Variants in GREM2 observed in about 807,000 individuals in gnomAD.
GREM2 encodes gremlin 2, DAN family BMP antagonist.
GREM2 carries 11 observed loss-of-function variants against 14.2 expected under a neutral mutation model. The ratio of observed to expected loss-of-function variants is 0.78; its 90% CI spans 0.49 to 1.28. The LOEUF is 1.28. Among genes scored for constraint, GREM2 ranks in the 50% most tolerant of loss-of-function variants. GREM2 has a pLI of 0.00. For missense variants in GREM2, 210 were observed against 218.5 expected (o/e 0.96, Z 0.24); for synonymous variants, 98 against 97.6 (o/e 1.00, Z -0.02).
At chr1:240,562,941 T>C (rs1679085873) in intron 1 of GREM2, among the ~76,000 whole-genome samples, 1 of 143,460 alleles carries the variant, frequency 7.0e-6, no homozygotes, top group African/African-American at 2.9e-5. Context: ...TGTGTGAGTG[T>C]GTGAGTGTGT....
intron 1 of GREM2, among the ~76,000 whole-genome samples, chr1:240,506,705 A>G (rs543180320): frequency 6.6e-6 from 1 of 152,372 alleles, no homozygotes; most frequent in African/African-American, 2.4e-5. Flanking sequence ...TAATTTATTC[A>G]TTCATTCATT....
At chr1:240,537,864 A>T (rs940057825) in intron 1 of GREM2, among the ~76,000 whole-genome samples, 10 of 152,300 alleles carry the variant, frequency 6.6e-5, no homozygotes, top group Admixed American at 6.5e-4. Context: ...ATACAAATAT[A>T]ATATATTAAT....
intron 1 of GREM2, among the ~76,000 whole-genome samples, chr1:240,580,876 A>G (rs1444429254): frequency 2.0e-5 from 3 of 152,184 alleles, no homozygotes; most frequent in Non-Finnish European, 4.4e-5. Flanking sequence ...CCCAGCCTAG[A>G]TATCCAATAT....
intron 1 of GREM2, among the ~76,000 whole-genome samples, chr1:240,523,645 T>A (rs1678155312): frequency 6.6e-6 from 1 of 152,290 alleles, no homozygotes; most frequent in Non-Finnish European, 1.5e-5. Context: ...ATCCTTTAGT[T>A]TTTTTGTTTT....
chr1:240,508,237 A>G (rs559280959), intron 1 of GREM2, among the ~76,000 whole-genome samples: 1 of 152,362 alleles, frequency 6.6e-6, no homozygotes, highest in South Asian at 2.1e-4. Context: ...GATGACCAAT[A>G]CATATTTATT....
rs1677309600 is a variant in GREM2 at position 240,493,274 on chromosome 1, G to C, written c.202C>G (p.Leu68Val). Residue 68 changes from leucine to valine, a missense_variant, in exon 2 of 2, where the codon CTC (leucine) becomes GTC (valine). Coordinates refer to ENST00000318160, the MANE Select transcript of GREM2 (RefSeq NM_022469.4). Reference protein sequence around the residue: ...EALVVTERKYLKSDWCKTQPL... With the variant: ...EALVVTERKYVKSDWCKTQPL... ...TGCGTCTTGCACCAGTCACTCTTGA[G>C]GTACTTGCGCTCGGTGACCACCAGG... 3.7e-6 allele frequency: 6 copies of C among 1,614,046 alleles called. No homozygotes were observed. Among genetic ancestry groups the C allele is most frequent in the African/African-American group, 1.3e-5 (1 of 75,062 alleles).
At chr1:240,596,315 T>C (rs966939485) in intron 1 of GREM2, among the ~76,000 whole-genome samples, 72 of 152,204 alleles carry the variant, frequency 4.7e-4, no homozygotes, top group Admixed American at 1.4e-3. Flanking sequence ...GTTAAGGAAA[T>C]GCGAAACTAT....
chr1:240,608,831 AG>A (rs1190674310), intron 1 of GREM2, among the ~76,000 whole-genome samples: 1 of 152,034 alleles, frequency 6.6e-6, no homozygotes, highest in Non-Finnish European at 1.5e-5. Context: ...GGGCACTTCA[AG>A]TTGGAGGGAG....
chr1:240,588,545 A>G (rs1679645549), intron 1 of GREM2: 1 of 152,200 alleles, frequency 6.6e-6, no homozygotes, highest in Non-Finnish European at 1.5e-5. Flanking sequence ...AAAGCAGGCC[A>G]GCTAAGGTCA....
At chr1:240,600,169 T>G (rs770268165) in intron 1 of GREM2, among the ~76,000 whole-genome samples, 1 of 152,148 alleles carries the variant, frequency 6.6e-6, no homozygotes, top group Non-Finnish European at 1.5e-5. Flanking sequence ...ACAAGGTAGT[T>G]TGCAGTCTTA....
chr1:240,510,168 G>C (rs1677778130), intron 1 of GREM2, among the ~76,000 whole-genome samples: 3 of 151,988 alleles, frequency 2.0e-5, no homozygotes, highest in Admixed American at 6.6e-5. Flanking sequence ...AGGAGATTGG[G>C]ACCATCCTGG....
rs556864090 is a variant in GREM2, at chr1:240,491,216, G to A, written c.*1753C>T. 11 of 152,388 alleles carry A rather than the reference G, an allele frequency of 7.2e-5. No individual in the cohort carries two copies. Among genetic ancestry groups the A allele is most frequent in the African/African-American group, 2.6e-4 (11 of 41,510 alleles). 9.4% of individuals were successfully genotyped at this position (152,388 alleles called of 1,614,324 possible). ...CCCAATCCTTGCTCTTCAAGTGAAT[G>A]TCTCTAGATCCACCATCACTACCTA... On this transcript the variant is annotated 3_prime_UTR_variant, in exon 2 of 2. Coordinates refer to ENST00000318160, the MANE Select transcript of GREM2 (RefSeq NM_022469.4).
At chr1:240,538,988 C>T (rs1256479463) in intron 1 of GREM2, among the ~76,000 whole-genome samples, 2 of 152,030 alleles carry the variant, frequency 1.3e-5, no homozygotes, top group Non-Finnish European at 2.9e-5. Context: ...AGTACTGATG[C>T]CAAGTACATG....
chr1:240,541,962 C>G (rs549756519), intron 1 of GREM2, among the ~76,000 whole-genome samples: 19 of 152,276 alleles, frequency 1.2e-4, no homozygotes, highest in Non-Finnish European at 1.3e-4. Flanking sequence ...CTACTCTGTA[C>G]TCCATTTCTG....
Position 240,526,683 on chromosome 1 carries a change from A to G in GREM2, c.-1-33207T>C, listed in dbSNP as rs566951934. 3.3e-5 allele frequency among the ~76,000 whole-genome samples: 5 copies of G among 152,322 alleles called. No individual in the cohort carries two copies. The East Asian group carries it at 5.8e-4, about 18-fold the overall frequency. On this transcript the variant is annotated intron_variant, in intron 1 of 1. Transcript: ENST00000318160. ...ATTCCAAATCTCCGTGCTTACGTGG[A>G]CGTGTCTTCAAGAGCATCTCATAGA...
chr1:240,536,849 T>C (rs1483108187), intron 1 of GREM2, among the ~76,000 whole-genome samples: 1 of 152,204 alleles, frequency 6.6e-6, no homozygotes, highest in Non-Finnish European at 1.5e-5. Flanking sequence ...TGAAGAAAAC[T>C]GCTATTTGGG....
chr1:240,597,814 C>G (rs1679850375), intron 1 of GREM2, among the ~76,000 whole-genome samples: 1 of 152,146 alleles, frequency 6.6e-6, no homozygotes, highest in Non-Finnish European at 1.5e-5. Context: ...TTTCAAATCT[C>G]CATGCCCAAG....
In GREM2 at chr1:240,505,696, T is replaced by A. The variant is rs140532041; in HGVS notation, c.-1-12220A>T. Among the ~76,000 whole-genome samples, 497 of 152,018 alleles carry A rather than the reference T, an allele frequency of 3.3e-3. 2 individuals are homozygous for A. The highest frequency in any genetic ancestry group is 0.011 in the African/African-American group (474 of 41,484). On this transcript the variant is annotated intron_variant, in intron 1 of 1. Coordinates refer to ENST00000318160, the MANE Select transcript of GREM2 (RefSeq NM_022469.4). ...ATTTAAATACTTTAATGTGACCACATTATTAAAATCAAAATCTACATGCAT... is the reference window on the plus strand; with the variant it reads ...ATTTAAATACTTTAATGTGACCACAATATTAAAATCAAAATCTACATGCAT...
intron 1 of GREM2, among the ~76,000 whole-genome samples, 179 bp from the exon 2 acceptor site, chr1:240,493,655 G>C (rs1165301333): frequency 6.6e-6 from 1 of 151,980 alleles, no homozygotes; most frequent in Non-Finnish European, 1.5e-5. Context: ...CCTCCTGTGT[G>C]GCTAGAACTA....
Sources: allele counts gnomAD v4.1 joint callset (sites outside exome capture counted in the v4.1 genomes callset), GRCh38; gene constraint gnomAD v4.1.1; transcripts MANE v1.5; gene names NCBI Gene and HGNC (gene_info 2026-07-23, HGNC 2026-07-21).